The following ZFAT variants were observed in gnomAD, a reference collection of about 807,000 sequenced individuals.
ZFAT encodes the protein zinc finger and AT-hook domain containing, also known as zinc finger protein ZFAT.
A neutral mutation model predicts 117.7 loss-of-function variants in ZFAT; 64 were observed. That is an observed-to-expected ratio of 0.54 (90% CI 0.44 to 0.67). The LOEUF is 0.67. Ranked by LOEUF, ZFAT falls within the 30% of genes least tolerant of loss-of-function variation. The probability of loss-of-function intolerance (pLI) is 0.00; values close to 1 mark genes in which losing one functional copy is unlikely to be tolerated. For synonymous variants in ZFAT, 679 were observed against 615.0 expected, an observed-to-expected ratio of 1.10 and a Z score of -1.54; for missense variants, 1,433 against 1,584.5, an observed-to-expected ratio of 0.90 and a Z score of 1.62.
rs145924803 is a variant in ZFAT, at chr8:134,484,504, G to C, written c.3493-5783C>G. Among the ~76,000 whole-genome samples the C allele has an allele frequency of 2.7e-3, 408 of 152,302 alleles. 1 individual carries two copies. The highest frequency in any genetic ancestry group is 0.01 in the Middle Eastern group (3 of 294). ...AAGACGGTGCATTGTCTATGGAGGAGAGTCCCTTTTGGCTCCAAAAGTCCC... is the reference window on the plus strand; with the variant it reads ...AAGACGGTGCATTGTCTATGGAGGACAGTCCCTTTTGGCTCCAAAAGTCCC... On this transcript the variant is annotated intron_variant, in intron 15 of 15. Transcript: ENST00000377838.
intron 2 of ZFAT, among the ~76,000 whole-genome samples, chr8:134,643,436 G>A (rs1830701599): frequency 6.6e-6 from 1 of 152,230 alleles, no homozygotes; most frequent in Admixed American, 6.5e-5. Flanking sequence ...GGGCTGGAAA[G>A]TACACGGATG....
At chr8:134,807,982 T>G in the ZFAT span, among the ~76,000 whole-genome samples, 1 of 152,244 alleles carries the variant, frequency 6.6e-6, no homozygotes, top group Non-Finnish European at 1.5e-5. Context: ...TAACTGCCCT[T>G]TGTAACAAAA....
chr8:134,818,969 T>C, the ZFAT span, among the ~76,000 whole-genome samples: 1 of 152,200 alleles, frequency 6.6e-6, no homozygotes, highest in Non-Finnish European at 1.5e-5. Flanking sequence ...GGTATATGTT[T>C]AGTGTCTTGA....
At chr8:134,624,605 C>G (rs575833373) in intron 3 of ZFAT, among the ~76,000 whole-genome samples, 69 of 152,080 alleles carry the variant, frequency 4.5e-4, no homozygotes, top group African/African-American at 1.5e-3. Flanking sequence ...TGCAATGAGC[C>G]GAGGTCGCAC....
chr8:134,696,601 C>G, intron 1 of ZFAT: 3 of 986,184 alleles, frequency 3.0e-6, no homozygotes, highest in Non-Finnish European at 3.6e-6. Context: ...CTGGCACCAC[C>G]CACCCGCGCT....
At chr8:134,518,651 A>T (rs531795773) in intron 13 of ZFAT, among the ~76,000 whole-genome samples, 4 of 151,962 alleles carry the variant, frequency 2.6e-5, no homozygotes, top group Admixed American at 2.6e-4. Flanking sequence ...GCCTTTTATA[A>T]AGATATTAAT....
intron 1 of ZFAT, among the ~76,000 whole-genome samples, chr8:134,699,665 T>C (rs1020459304): frequency 2.0e-5 from 3 of 152,228 alleles, no homozygotes; most frequent in Non-Finnish European, 2.9e-5. Context: ...CCTACCAGCA[T>C]GTGACCAAAC....
At chr8:134,727,648 G>A in the ZFAT span, among the ~76,000 whole-genome samples, 23 of 152,134 alleles carry the variant, frequency 1.5e-4, no homozygotes, top group Non-Finnish European at 2.6e-4. Context: ...GAGAAGTCAC[G>A]AGATGAGAAA....
chr8:134,632,169 T>A (rs1410237435), intron 3 of ZFAT, among the ~76,000 whole-genome samples: 1 of 152,192 alleles, frequency 6.6e-6, no homozygotes, highest in Non-Finnish European at 1.5e-5. Context: ...CTCCTCAGCC[T>A]ACTCAACATG....
intron 1 of ZFAT, among the ~76,000 whole-genome samples, chr8:134,683,493 T>C (rs1257502700): frequency 2.0e-5 from 3 of 152,034 alleles, no homozygotes; most frequent in Middle Eastern, 6.8e-3. Flanking sequence ...TGGAAGAGGT[T>C]TGTCAGAAAA....
At chr8:134,746,257 T>C in the ZFAT span, among the ~76,000 whole-genome samples, 1 of 152,212 alleles carries the variant, frequency 6.6e-6, no homozygotes, top group Non-Finnish European at 1.5e-5. Context: ...TTCTCACCAT[T>C]CCTCACATGA....
At chr8:134,792,153 T>C in the ZFAT span, 1 of 152,248 alleles carries the variant, frequency 6.6e-6, no homozygotes, top group African/African-American at 2.4e-5. Flanking sequence ...AAAATTCTCA[T>C]AGGTAATGAA....
chr8:134,601,620 T>A lies in ZFAT; in HGVS notation c.2099A>T (p.Asp700Val). The change falls in exon 6 of 16, where the codon GAC becomes GTC. Residue 700 changes from aspartate to valine, a missense_variant. Coordinates refer to ENST00000377838, the MANE Select transcript of ZFAT (RefSeq NM_020863.4). ...GTGCTCAGGGGCAGCTTTGCAAGAG[T>A]CAGGCTGATGTGTGATGGTGTCCCC... is the stretch of plus-strand genomic sequence containing the variant. ...GGGDTITHQP[D>V]SCKAAPEHRS... 1 of 1,613,818 alleles carries A rather than the reference T, an allele frequency of 6.2e-7. No homozygotes were observed. The highest frequency in any genetic ancestry group is 8.5e-7 in the Non-Finnish European group (1 of 1,179,950).
chr8:134,514,789 C>A (rs1820129436), intron 13 of ZFAT, among the ~76,000 whole-genome samples: 1 of 152,164 alleles, frequency 6.6e-6, no homozygotes, highest in African/African-American at 2.4e-5. Flanking sequence ...CCAACTTCAG[C>A]AATTATCAAT....
intron 3 of ZFAT, among the ~76,000 whole-genome samples, chr8:134,627,231 A>C (rs1829580928): frequency 6.6e-6 from 1 of 152,292 alleles, no homozygotes; most frequent in African/African-American, 2.4e-5. Context: ...TCAGAAGGAG[A>C]GCGGCCAGTC....
intron 11 of ZFAT, among the ~76,000 whole-genome samples, chr8:134,557,560 ACT>A (rs931772397): frequency 6.6e-6 from 1 of 152,188 alleles, no homozygotes. Flanking sequence ...GTATATAGAA[ACT>A]CTCTGTACTA....
the ZFAT span, among the ~76,000 whole-genome samples, chr8:134,791,811 G>A: frequency 6.6e-6 from 1 of 152,190 alleles, no homozygotes; most frequent in East Asian, 1.9e-4. Context: ...AGATAGCCAT[G>A]TTACGCAGTT....
At chr8:134,693,267 G>T (rs534572250) in intron 1 of ZFAT, among the ~76,000 whole-genome samples, 1 of 149,688 alleles carries the variant, frequency 6.7e-6, no homozygotes, top group Admixed American at 6.6e-5. Context: ...AGAATCTCTT[G>T]TACCAGAAGT....
chr8:134,807,927 G>A, the ZFAT span, among the ~76,000 whole-genome samples: 2 of 152,036 alleles, frequency 1.3e-5, no homozygotes, highest in African/African-American at 4.8e-5. Context: ...AAGATGAAAA[G>A]GCTTCCTGTT....
Sources: allele counts gnomAD v4.1 joint callset (sites outside exome capture counted in the v4.1 genomes callset), GRCh38; gene constraint gnomAD v4.1.1; transcripts MANE v1.5; gene names NCBI Gene and HGNC (gene_info 2026-07-23, HGNC 2026-07-21).